The following SEPTIN11 variants were observed in gnomAD, a reference collection of about 807,000 sequenced individuals.
SEPTIN11 encodes septin 11.
In SEPTIN11, 25 loss-of-function variants were observed where a neutral mutation model predicts 51.4. That is an observed-to-expected ratio of 0.49 (90% CI 0.35 to 0.68). The LOEUF is 0.68. Ranked by LOEUF, SEPTIN11 falls within the 30% of genes least tolerant of loss-of-function variation. The probability of loss-of-function intolerance (pLI) is 0.00; values close to 1 mark genes in which losing one functional copy is unlikely to be tolerated. For synonymous variants in SEPTIN11, 174 were observed against 184.1 expected (o/e 0.95, Z 0.44); for missense variants, 381 against 520.8 (o/e 0.73, Z 2.61).
chr4:76,953,592 G>T (rs1202973766), intron 1 of SEPTIN11, among the ~76,000 whole-genome samples: 1 of 152,112 alleles, frequency 6.6e-6, no homozygotes, highest in East Asian at 1.9e-4. Flanking sequence ...CATGAATGGA[G>T]CCAAGAAAGG....
chr4:76,961,419 G>T (rs1196366661), intron 1 of SEPTIN11, among the ~76,000 whole-genome samples: 1 of 152,160 alleles, frequency 6.6e-6, no homozygotes, highest in East Asian at 1.9e-4. Context: ...AAAACATTCT[G>T]ACTGCCTGCA....
At chr4:77,028,010 C>A (rs1726304076) in intron 7 of SEPTIN11, among the ~76,000 whole-genome samples, 1 of 152,132 alleles carries the variant, frequency 6.6e-6, no homozygotes, top group Admixed American at 6.5e-5. Context: ...AATGTTGTCT[C>A]TTTAGTTTAC....
At chr4:76,981,824 G>A (rs1224473806) in intron 1 of SEPTIN11, among the ~76,000 whole-genome samples, 1 of 151,890 alleles carries the variant, frequency 6.6e-6, no homozygotes, top group Non-Finnish European at 1.5e-5. Flanking sequence ...TGGTAATCTG[G>A]GTTAAAACCT....
chr4:77,000,322 T>G (rs1274319118), intron 2 of SEPTIN11, among the ~76,000 whole-genome samples: 1 of 152,214 alleles, frequency 6.6e-6, no homozygotes, highest in Non-Finnish European at 1.5e-5. Context: ...AATCAAATCT[T>G]AAACATTTTT....
chr4:76,968,772 A>G (rs2703110), intron 1 of SEPTIN11, among the ~76,000 whole-genome samples: 97,019 of 152,034 alleles, frequency 0.64, 31,080 homozygotes, highest in Middle Eastern at 0.67. Context: ...GTTGAACCAC[A>G]TGAAAGTTGA....
chr4:77,039,288 C>T (rs1222340675), downstream of SEPTIN11: 1 of 1,098,548 alleles, frequency 9.1e-7, no homozygotes, highest in Non-Finnish European at 1.1e-6. Flanking sequence ...TGACTTACCA[C>T]TACCAAAAAT....
intron 1 of SEPTIN11, chr4:76,958,891 CT>C: frequency 6.7e-7 from 1 of 1,492,568 alleles, no homozygotes; most frequent in Non-Finnish European, 9.3e-7. Context: ...CAAGCTTTTC[CT>C]TATTGGCCCC....
intron 1 of SEPTIN11, 51 bp downstream of exon 1, chr4:76,949,981 C>G (rs376810458): frequency 6.6e-5 from 93 of 1,400,764 alleles, no homozygotes; most frequent in Non-Finnish European, 8.1e-5. Context: ...GTGGTCTCTG[C>G]TCTGGGGCGG....
At chr4:76,959,534 T>C (rs1721732101) in intron 1 of SEPTIN11, among the ~76,000 whole-genome samples, 1 of 152,184 alleles carries the variant, frequency 6.6e-6, no homozygotes, top group African/African-American at 2.4e-5. Context: ...CACTACTTGC[T>C]TTTGAATCTA....
intron 1 of SEPTIN11, among the ~76,000 whole-genome samples, chr4:76,969,560 G>T (rs1425137234): frequency 6.6e-6 from 1 of 152,100 alleles, no homozygotes; most frequent in East Asian, 1.9e-4. Context: ...TTGACTTTGG[G>T]CATCAAGGGA....
rs1726797868 is a variant in SEPTIN11 at position 77,033,291 on chromosome 4, C to T, written c.1275-1206C>T. 4.6e-5 allele frequency among the ~76,000 whole-genome samples: 7 copies of T among 152,170 alleles called. No homozygotes were observed. The South Asian group carries it at 1.4e-3, about 31-fold the overall frequency. On this transcript the variant is annotated intron_variant, in intron 9 of 9. Transcript: ENST00000264893. ...GCTGGGAAGATGCCTCCTAGCATAGCTGGAACAGATGTGGGAGTTGCCATT... is the reference window on the plus strand; with the variant it reads ...GCTGGGAAGATGCCTCCTAGCATAGTTGGAACAGATGTGGGAGTTGCCATT...
intron 1 of SEPTIN11, among the ~76,000 whole-genome samples, chr4:76,974,958 A>G (rs1305656796): frequency 6.6e-6 from 1 of 151,986 alleles, no homozygotes; most frequent in East Asian, 1.9e-4. Flanking sequence ...CCCCATCTCT[A>G]CTAAAAATAC....
chr4:76,976,680 T>G (rs903188670), intron 1 of SEPTIN11, among the ~76,000 whole-genome samples: 1 of 152,270 alleles, frequency 6.6e-6, no homozygotes, highest in African/African-American at 2.4e-5. Flanking sequence ...TTTAGACTTT[T>G]GTTTTGATGA....
chr4:77,016,657 C>CATATATAT (rs1560736525), intron 5 of SEPTIN11, among the ~76,000 whole-genome samples: 1 of 79,216 alleles, frequency 1.3e-5, no homozygotes, highest in Middle Eastern at 6.3e-3. Flanking sequence ...TATATATATA[C>CATATATAT]ACATATATAT....
Position 76,966,336 on chromosome 4 carries a change from A to C in SEPTIN11, c.27+16406A>C, listed in dbSNP as rs137947988. Among the ~76,000 whole-genome samples, 1,483 of 152,324 alleles carry C rather than the reference A, an allele frequency of 9.7e-3. 10 individuals are homozygous for C. The highest frequency in any genetic ancestry group is 0.017 in the Middle Eastern group (5 of 294). On this transcript the variant is annotated intron_variant, in intron 1 of 9. Coordinates refer to ENST00000264893, the MANE Select transcript of SEPTIN11 (RefSeq NM_018243.4). Reference sequence around the variant, plus strand: ...GAAGATTTAGGAAGATATTTGGTCAAATTAGTTATCCTGTGCTTTTTATGC... The same window carrying C: ...GAAGATTTAGGAAGATATTTGGTCACATTAGTTATCCTGTGCTTTTTATGC...
At chr4:76,979,111 G>C (rs774387652) in intron 1 of SEPTIN11, among the ~76,000 whole-genome samples, 1 of 152,194 alleles carries the variant, frequency 6.6e-6, no homozygotes, top group Non-Finnish European at 1.5e-5. Flanking sequence ...CTGGCTACTT[G>C]TGATGTCATG....
intron 8 of SEPTIN11, among the ~76,000 whole-genome samples, chr4:77,029,276 T>C (rs567938589): frequency 6.6e-6 from 1 of 152,328 alleles, no homozygotes; most frequent in South Asian, 2.1e-4. Context: ...CTGGCCAGAT[T>C]AACTGCTTCC....
Position 77,036,005 on chromosome 4 carries a change from G to A in SEPTIN11, c.*1493G>A, listed in dbSNP as rs759295084. 4.3e-4 allele frequency: 419 copies of A among 985,810 alleles called. No homozygotes were observed. Among genetic ancestry groups the A allele is most frequent in the Middle Eastern group, 5.2e-4 (1 of 1,914 alleles). The allele number at this position is 985,810 out of a possible 1,614,324, so 61.1% of individuals were successfully genotyped here. On this transcript the variant is annotated 3_prime_UTR_variant, in exon 10 of 10. Transcript: ENST00000264893. ...AAGTAAATAGGATAGAATATGCTGCGTCTCCCCTGACACACACTTTCTTTT... is the reference window on the plus strand; with the variant it reads ...AAGTAAATAGGATAGAATATGCTGCATCTCCCCTGACACACACTTTCTTTT...
intron 1 of SEPTIN11, among the ~76,000 whole-genome samples, chr4:76,989,182 CTTTA>C (rs1446060583): frequency 6.6e-6 from 1 of 152,158 alleles, no homozygotes; most frequent in African/African-American, 2.4e-5. Context: ...GATCAGTATA[CTTTA>C]TTTATCCATA....
Sources: allele counts gnomAD v4.1 joint callset (sites outside exome capture counted in the v4.1 genomes callset), GRCh38; gene constraint gnomAD v4.1.1; transcripts MANE v1.5; gene names NCBI Gene and HGNC (gene_info 2026-07-23, HGNC 2026-07-21).